The following PMEPA1 variants were observed in gnomAD, a reference collection of about 807,000 sequenced individuals.
PMEPA1 encodes the protein protein TMEPAI.
In PMEPA1, 11 loss-of-function variants were observed where a neutral mutation model predicts 23.0. The ratio of observed to expected loss-of-function variants is 0.48; its 90% CI spans 0.30 to 0.79. PMEPA1 has a LOEUF of 0.79. PMEPA1 is among the 30% of genes least tolerant of loss of function. PMEPA1 has a pLI of 0.06. For synonymous variants in PMEPA1, 204 were observed against 166.4 expected (o/e 1.23, Z -1.74); for missense variants, 377 against 390.9 (o/e 0.96, Z 0.30).
intron 1 of PMEPA1, among the ~76,000 whole-genome samples, chr20:57,684,609 C>G (rs982811981): frequency 6.6e-6 from 1 of 152,176 alleles, no homozygotes; most frequent in Admixed American, 6.5e-5. Context: ...GACCCTCCAC[C>G]CCCATAGCTT....
intron 1 of PMEPA1, among the ~76,000 whole-genome samples, chr20:57,662,390 C>T (rs73302935): frequency 4.3e-4 from 65 of 152,178 alleles, no homozygotes; most frequent in African/African-American, 1.5e-3. Context: ...CTCGAGAAGT[C>T]CAAGACCCTA....
At chr20:57,654,356 G>T (rs1001323224) in intron 2 of PMEPA1, among the ~76,000 whole-genome samples, 1 of 152,064 alleles carries the variant, frequency 6.6e-6, no homozygotes, top group Non-Finnish European at 1.5e-5. Context: ...CACCTCAAAC[G>T]TTCCCTTGGG....
intron 1 of PMEPA1, among the ~76,000 whole-genome samples, chr20:57,673,570 G>A (rs2071598178): frequency 6.6e-6 from 1 of 152,124 alleles, no homozygotes; most frequent in Non-Finnish European, 1.5e-5. Context: ...TCAAAGCCCA[G>A]GGCTGGTCGC....
intron 2 of PMEPA1, among the ~76,000 whole-genome samples, chr20:57,657,539 T>C (rs959564668): frequency 6.6e-6 from 1 of 152,196 alleles, no homozygotes; most frequent in Non-Finnish European, 1.5e-5. Flanking sequence ...AATAAACACG[T>C]CGGGGCTTGA....
chr20:57,669,680 C>G (rs767589526), intron 1 of PMEPA1, among the ~76,000 whole-genome samples: 3 of 152,124 alleles, frequency 2.0e-5, no homozygotes, highest in Non-Finnish European at 4.4e-5. Context: ...CAGGTGAAAC[C>G]TTCTGATACA....
chr20:57,692,552 G>A (rs539979576), intron 1 of PMEPA1, among the ~76,000 whole-genome samples: 1 of 152,208 alleles, frequency 6.6e-6, no homozygotes, highest in Non-Finnish European at 1.5e-5. Context: ...GTCTGTACCT[G>A]GCCTGCAGCT....
chr20:57,685,721 C>T (rs2071792453), intron 1 of PMEPA1, among the ~76,000 whole-genome samples: 1 of 152,102 alleles, frequency 6.6e-6, no homozygotes, highest in African/African-American at 2.4e-5. Context: ...TCTGGCTCTT[C>T]TTGTTCTGGG....
rs1438885464 is a variant in PMEPA1, at chr20:57,709,987, C to T, written c.-405G>A. 1.9e-5 allele frequency: 19 copies of T among 991,564 alleles called. No individual in the cohort carries two copies. Among genetic ancestry groups the T allele is most frequent in the Non-Finnish European group, 2.3e-5 (19 of 834,234 alleles). 61.4% of individuals were successfully genotyped at this position (991,564 alleles called of 1,614,324 possible). A position where few individuals can be genotyped will look rare whatever the true frequency, so the allele number is the denominator to read the frequency against. On this transcript the variant is annotated 5_prime_UTR_variant, in exon 1 of 4. Coordinates refer to ENST00000341744, the MANE Select transcript of PMEPA1 (RefSeq NM_020182.5). Reference sequence around the variant, plus strand: ...AGGAGATCGGGTTTCGCTCCGAGACCGCGGTCGGAGGCAGGCAGACGGTCT... The same window carrying T: ...AGGAGATCGGGTTTCGCTCCGAGACTGCGGTCGGAGGCAGGCAGACGGTCT...
rs1413108755 is a variant in PMEPA1 at position 57,704,436 on chromosome 20, C to T, written c.109+5038G>A. Among the ~76,000 whole-genome samples, 1 of 152,196 alleles carries T rather than the reference C, an allele frequency of 6.6e-6. No homozygotes were observed. The highest frequency in any genetic ancestry group is 1.5e-5 in the Non-Finnish European group (1 of 68,026). On this transcript the variant is annotated intron_variant, in intron 1 of 3. Coordinates refer to ENST00000341744, the MANE Select transcript of PMEPA1 (RefSeq NM_020182.5). This position sits in a 1 kb window ranked among gnomAD's most constrained non-coding sequence, Gnocchi z 4.6. ...CCCGCACGTGCCCCAACCATGCGTGCGTTACGCAACACTTTGTAAAAAGCA... is the reference window on the plus strand; with the variant it reads ...CCCGCACGTGCCCCAACCATGCGTGTGTTACGCAACACTTTGTAAAAAGCA...
intron 2 of PMEPA1, among the ~76,000 whole-genome samples, chr20:57,654,884 C>T (rs1490738600): frequency 6.6e-6 from 1 of 152,106 alleles, no homozygotes; most frequent in Non-Finnish European, 1.5e-5. Flanking sequence ...GTCTCCTCCA[C>T]TCTTGCCCTT....
At chr20:57,673,116 G>A (rs1298602284) in intron 1 of PMEPA1, among the ~76,000 whole-genome samples, 1 of 96,416 alleles carries the variant, frequency 1.0e-5, no homozygotes, top group Non-Finnish European at 2.4e-5. Flanking sequence ...AATTGCCCCT[G>A]ACTGTGGTCC....
chr20:57,700,691 C>T (rs917508430), intron 1 of PMEPA1, among the ~76,000 whole-genome samples: 1 of 152,156 alleles, frequency 6.6e-6, no homozygotes, highest in Non-Finnish European at 1.5e-5. Flanking sequence ...AGAGCCATTT[C>T]CCAAGCCCAC....
intron 1 of PMEPA1, among the ~76,000 whole-genome samples, chr20:57,680,689 A>G (rs890267538): frequency 5.3e-5 from 8 of 152,274 alleles, no homozygotes; most frequent in African/African-American, 1.9e-4. Flanking sequence ...GGTTTGAAGA[A>G]TAACAACAAC....
intron 1 of PMEPA1, among the ~76,000 whole-genome samples, chr20:57,709,115 G>A (rs2072127813): frequency 6.6e-6 from 1 of 152,072 alleles, no homozygotes; most frequent in Non-Finnish European, 1.5e-5. Context: ...TTGATAAAGA[G>A]CCGGCCTAAA....
intron 2 of PMEPA1, among the ~76,000 whole-genome samples, chr20:57,658,675 C>G (rs755738544): frequency 1.4e-4 from 22 of 152,158 alleles, no homozygotes; most frequent in Admixed American, 3.9e-4. Flanking sequence ...AGATCAGGGA[C>G]AGGTCTGAGG....
rs755686591 is a variant in PMEPA1 at position 57,652,258 on chromosome 20, C to A, written c.659G>T (p.Gly220Val). 2.1e-5 allele frequency: 34 copies of A among 1,608,082 alleles called. No individual in the cohort carries two copies. In the South Asian group the frequency reaches 3.5e-4, roughly 17 times the overall value. ...SNSGISATCY[G>V]SGGRMEGPPP... ...CGGCCCCTCCATGCGCCCGCCGCTG[C>A]CGTAGCACGTGGCGCTGATGCCCGA... Residue 220 changes from glycine (G) to valine (V), a missense_variant, in exon 4 of 4, where the codon GGC (glycine) becomes GTC (valine). Around this residue, in one of 3 missense-constraint regions of PMEPA1, gnomAD observed 176 missense variants for 173.0 expected, o/e 1.02. Transcript: ENST00000341744. This position sits in a 1 kb window ranked among gnomAD's most constrained non-coding sequence, Gnocchi z 6.1.
chr20:57,681,188 C>G (rs986895202), intron 1 of PMEPA1, among the ~76,000 whole-genome samples: 1 of 152,168 alleles, frequency 6.6e-6, no homozygotes, highest in Non-Finnish European at 1.5e-5. Context: ...GTGAGGCAGG[C>G]GCCCATGCTC....
intron 1 of PMEPA1, among the ~76,000 whole-genome samples, chr20:57,700,548 T>A (rs113096044): frequency 1.3e-5 from 2 of 152,126 alleles, no homozygotes; most frequent in South Asian, 4.1e-4. Flanking sequence ...CTAAGGAGGA[T>A]TGCGAGGTGT....
chr20:57,680,679 G>A (rs1365186943), intron 1 of PMEPA1, among the ~76,000 whole-genome samples: 5 of 152,194 alleles, frequency 3.3e-5, no homozygotes, highest in East Asian at 1.9e-4. Context: ...ACACACAACC[G>A]GTTTGAAGAA....
Sources: gnomAD v4.1 joint callset for allele counts (sites outside exome capture counted in the v4.1 genomes callset) on GRCh38, gnomAD v4.1.1 for gene constraint, gnomAD v4.1.1 regional missense constraint, Gnocchi (gnomAD v3.1) non-coding constraint, MANE v1.5 for transcripts, NCBI Gene and HGNC (gene_info 2026-07-23, HGNC 2026-07-21) for gene names.